Variants in TAF1 observed in about 807,000 individuals in gnomAD.
TAF1 encodes TATA-box binding protein associated factor 1, also known as transcription initiation factor TFIID subunit 1.
TAF1 carries 2 observed loss-of-function variants against 138.5 expected under a neutral mutation model. The observed-to-expected ratio is 0.01, with a 90% CI of 0.01 to 0.05. The LOEUF (loss-of-function observed/expected upper bound fraction) is 0.05. Ranked by LOEUF, TAF1 falls within the 10% of genes least tolerant of loss-of-function variation. The pLI is 1.00. For synonymous variants in TAF1, 437 were observed against 503.2 expected (o/e 0.87, Z 1.76); for missense variants, 709 against 1,478.0 (o/e 0.48, Z 8.53).
chrX:71,397,145 C>T, intron 22 of TAF1, 108 bp from the exon 23 acceptor site: 1 of 822,692 alleles, frequency 1.2e-6, no homozygotes, highest in South Asian at 2.4e-5. Flanking sequence ...TTTTGTAGAA[C>T]CATAGTTTTG....
At chrX:71,382,921 A>G in intron 11 of TAF1, 53 bp downstream of exon 11, 1 of 1,192,965 alleles carries the variant, frequency 8.4e-7, no homozygotes. Context: ...CTTTGTTCTG[A>G]CGGAGGATAT....
chrX:71,497,456 A>G (rs2039417725), intron 13 of TAF1, among the ~76,000 whole-genome samples: 1 of 111,462 alleles, frequency 9.0e-6, no homozygotes, highest in South Asian at 3.8e-4. Flanking sequence ...AGTAATCCAG[A>G]TGGTGAGATC....
At position 71,388,144 on chromosome X, in the gene TAF1, G is replaced by T. The variant is rs1376225973; in HGVS notation, c.2428-93G>T. ...GGTTTGGGAGCACATCGGGAAAGAT[G>T]AAAATACATTAGAGCTTAGCAAAGG... On this transcript the variant is annotated intron_variant, in intron 15 of 37. Transcript: ENST00000423759. 4 of 1,120,603 alleles carry T rather than the reference G, an allele frequency of 3.6e-6. No homozygotes were observed. In the African/African-American group the frequency reaches 5.5e-5, roughly 16 times the overall value. The allele number at this position is 1,120,603 out of a possible 1,213,427, so 92.4% of individuals were successfully genotyped here.
intron 13 of TAF1, among the ~76,000 whole-genome samples, chrX:71,496,930 G>T (rs1288053312): frequency 8.9e-6 from 1 of 112,195 alleles, no homozygotes; most frequent in Non-Finnish European, 1.9e-5. Context: ...TTTAATGGGG[G>T]TTCCTTCAGA....
At position 71,508,737 on chromosome X, in the gene TAF1, A is replaced by AGT. The variant is rs112821544; in HGVS notation, c.1367-19781_1367-19780dup. Among the ~76,000 whole-genome samples, 816 of 100,736 alleles carry AGT rather than the reference A, an allele frequency of 8.1e-3. 5 individuals are homozygous for AGT. Among genetic ancestry groups the AGT allele is most frequent in the South Asian group, 0.015 (33 of 2,156 alleles). The allele number at this position is 100,736 out of a possible 115,157, so 87.5% of individuals were successfully genotyped here. A position where few individuals can be genotyped will look rare whatever the true frequency, so the allele number is the denominator to read the frequency against. ...AAGATATATATGGAGAGACAGAGTG[A>AGT]GTGTGTGTGTGTGTGTGTGTGTGTG... is the stretch of plus-strand genomic sequence containing the variant. On this transcript the variant is annotated intron_variant and NMD_transcript_variant, in intron 13 of 14. Coordinates refer to the TAF1 transcript ENST00000373775.
At chrX:71,426,384 G>A (rs528864092) in intron 32 of TAF1, among the ~76,000 whole-genome samples, 4 of 110,250 alleles carry the variant, frequency 3.6e-5, no homozygotes, top group African/African-American at 1.3e-4. Flanking sequence ...AGAGAACAGC[G>A]ATATGTAAAG....
chrX:71,435,799 A>G (rs1310533554), intron 32 of TAF1, among the ~76,000 whole-genome samples: 1 of 111,063 alleles, frequency 9.0e-6, no homozygotes, highest in African/African-American at 3.3e-5. Context: ...CTTTTCCTAT[A>G]TGATTCTTAT....
chrX:71,528,973 T>C (rs2040051321), intron 14 of TAF1, among the ~76,000 whole-genome samples: 1 of 112,080 alleles, frequency 8.9e-6, no homozygotes, highest in African/African-American at 3.2e-5. Flanking sequence ...TTACAATTCT[T>C]TAGCTAGACA....
Position 71,456,649 on chromosome X carries a change from C to CTTTTTTTTTTTTTTTT in TAF1, c.4939-1564_4939-1549dup, listed in dbSNP as rs776321706. Among the ~76,000 whole-genome samples the CTTTTTTTTTTTTTTTT allele has an allele frequency of 3.7e-4, 10 of 26,828 alleles. 3 individuals carry two copies. Among genetic ancestry groups the CTTTTTTTTTTTTTTTT allele is most frequent in the African/African-American group, 4.8e-4 (3 of 6,186 alleles). The allele number at this position is 26,828 out of a possible 115,157, so 23.3% of individuals were successfully genotyped here. ...ATGGTGGTGGTCAATAATGTATTTT[C>CTTTTTTTTTTTTTTTT]TTTTTTTTTTTTTTTTTTTTTTTTT... On this transcript the variant is annotated intron_variant, in intron 34 of 37. Transcript: ENST00000423759.
At chrX:71,437,585 T>G (rs1437070623) in intron 32 of TAF1, among the ~76,000 whole-genome samples, 1 of 104,245 alleles carries the variant, frequency 9.6e-6, no homozygotes, top group Admixed American at 1.1e-4. Flanking sequence ...GCTGGTGACA[T>G]GCACCTGGAG....
chrX:71,453,765 A>C (rs2038160786), intron 32 of TAF1, among the ~76,000 whole-genome samples: 1 of 110,717 alleles, frequency 9.0e-6, no homozygotes, highest in Non-Finnish European at 1.9e-5. Context: ...GCACTTGGGG[A>C]GGCTGAGGGG....
At chrX:71,410,180 C>G (rs1010519860) in intron 28 of TAF1, among the ~76,000 whole-genome samples, 1 of 110,729 alleles carries the variant, frequency 9.0e-6, no homozygotes, top group African/African-American at 3.3e-5. Flanking sequence ...CATGAACCAC[C>G]GCGCCCGGCC....
intron 13 of TAF1, chrX:71,528,355 C>A (rs965244450): frequency 1.2e-4 from 31 of 259,873 alleles, no homozygotes; most frequent in Middle Eastern, 1.3e-3. Flanking sequence ...ACTCTTGCAA[C>A]CCCAGGAGGA....
chrX:71,377,281 G>A (rs2033544239), intron 5 of TAF1, 90 bp downstream of exon 5: 1 of 1,140,416 alleles, frequency 8.8e-7, no homozygotes, highest in African/African-American at 1.8e-5. Flanking sequence ...ATGGAATGGG[G>A]TTTCCTTACT....
intron 6 of TAF1, 176 bp downstream of exon 6, chrX:71,377,997 G>A (rs1015759406): frequency 1.4e-6 from 1 of 700,265 alleles, no homozygotes; most frequent in Non-Finnish European, 2.0e-6. Context: ...TATTGTAAAA[G>A]AAAAATGTTT....
At chrX:71,422,095 C>T (rs908358665) in intron 29 of TAF1, among the ~76,000 whole-genome samples, 2 of 112,039 alleles carry the variant, frequency 1.8e-5, no homozygotes, top group African/African-American at 6.5e-5. Context: ...GGTCCCATTA[C>T]GCAAAAGTCA....
At chrX:71,410,463 T>TTA (rs2035721526) in intron 28 of TAF1, among the ~76,000 whole-genome samples, 1 of 96,414 alleles carries the variant, frequency 1.0e-5, no homozygotes, top group African/African-American at 3.9e-5. Context: ...TCTTTTTTTT[T>TTA]TTTTTTTTTT....
chrX:71,454,704 A>T lies in TAF1; in HGVS notation c.4822-37A>T, dbSNP rs765188071. ...TACTTTTGTATCCCCAGTACTTAAAATACATGTTGAATGAATTTATTTTCT... is the reference window on the plus strand; with the variant it reads ...TACTTTTGTATCCCCAGTACTTAAATTACATGTTGAATGAATTTATTTTCT... On this transcript the variant is annotated intron_variant, in intron 33 of 37. Coordinates refer to ENST00000423759, the MANE Select transcript of TAF1 (RefSeq NM_004606.5). The T allele has an allele frequency of 8.7e-6, 10 of 1,151,048 alleles. No homozygotes were observed. In the African/African-American group the frequency reaches 1.8e-4, roughly 21 times the overall value. 94.9% of individuals were successfully genotyped at this position (1,151,048 alleles called of 1,213,427 possible).
rs1173763080 is a variant in TAF1, at chrX:71,406,326, CAAAAAAAA to C, written c.3999-299_3999-292del. On this transcript the variant is annotated intron_variant, in intron 25 of 37. Coordinates refer to ENST00000423759, the MANE Select transcript of TAF1 (RefSeq NM_004606.5). ...CCTGGGTAACGAGCGAACTACATCT[CAAAAAAAA>C]AAAAAAAAAAAAGAGAATGTTGGAA... 8.1e-3 allele frequency among the ~76,000 whole-genome samples: 256 copies of C among 31,442 alleles called. 1 individual carries two copies. Among genetic ancestry groups the C allele is most frequent in the Middle Eastern group, 0.065 (4 of 62 alleles). The allele number at this position is 31,442 out of a possible 115,157, so 27.3% of individuals were successfully genotyped here. A position where few individuals can be genotyped will look rare whatever the true frequency, so the allele number is the denominator to read the frequency against.
Sources: allele counts gnomAD v4.1 joint callset (sites outside exome capture counted in the v4.1 genomes callset), GRCh38; gene constraint gnomAD v4.1.1; transcripts MANE v1.5; gene names NCBI Gene and HGNC (gene_info 2026-07-23, HGNC 2026-07-21).